Variants in FRMD7 observed in about 807,000 individuals in gnomAD.
FRMD7 encodes the protein FERM domain-containing protein 7.
Under a neutral mutation model 44.1 loss-of-function variants are expected in FRMD7, and 14 were observed. That is an observed-to-expected ratio of 0.32 (90% CI 0.21 to 0.50). FRMD7 has a LOEUF of 0.50. Ranked by LOEUF, FRMD7 falls within the 20% of genes least tolerant of loss-of-function variation. FRMD7 has a pLI of 0.99. For synonymous variants in FRMD7, 212 were observed against 187.4 expected, an observed-to-expected ratio of 1.13 and a Z score of -1.07; for missense variants, 501 against 522.3, an observed-to-expected ratio of 0.96 and a Z score of 0.40.
At chrX:132,101,682 C>T (rs1263602432) in intron 1 of FRMD7, among the ~76,000 whole-genome samples, 1 of 112,111 alleles carries the variant, frequency 8.9e-6, no homozygotes, top group Non-Finnish European at 1.9e-5. Context: ...GTAGCTTTGC[C>T]CACCAAATCT....
intron 1 of FRMD7, among the ~76,000 whole-genome samples, chrX:132,104,493 C>A (rs1339985704): frequency 1.8e-5 from 2 of 111,104 alleles, no homozygotes; most frequent in African/African-American, 6.6e-5. Flanking sequence ...GAGATCGAGA[C>A]CATCCTGGCT....
At position 132,121,432 on chromosome X, in the gene FRMD7, G is replaced by T. The variant is rs181662876; in HGVS notation, c.57+6356C>A. On this transcript the variant is annotated intron_variant, in intron 1 of 11. Transcript: ENST00000298542. ...TGCTTGGACATAAGAAGCAGGACAT[G>T]TGTTCACCATCTAAAATTGGAGTGA... Among the ~76,000 whole-genome samples the T allele has an allele frequency of 4.9e-4, 55 of 111,603 alleles. No homozygotes were observed. In the East Asian group the frequency reaches 0.015, roughly 30 times the overall value.
chrX:132,124,834 T>C (rs983350903), intron 1 of FRMD7, among the ~76,000 whole-genome samples: 2 of 111,673 alleles, frequency 1.8e-5, no homozygotes, highest in Non-Finnish European at 3.8e-5. Flanking sequence ...CTCACGAACT[T>C]TACCTACCAA....
chrX:132,114,397 G>C (rs1235366946), intron 1 of FRMD7, among the ~76,000 whole-genome samples: 1 of 111,019 alleles, frequency 9.0e-6, no homozygotes, highest in Non-Finnish European at 1.9e-5. Flanking sequence ...GGCACATGTG[G>C]AATTTAGGGG....
At chrX:132,100,472 G>A (rs767958748) in intron 2 of FRMD7, 140 bp downstream of exon 2, 247 of 503,388 alleles carry the variant, frequency 4.9e-4, no homozygotes, top group Non-Finnish European at 7.4e-4. Context: ...ACAAAAACTA[G>A]TTATTAAATC....
At chrX:132,119,014 GA>G (rs1288757873) in intron 1 of FRMD7, among the ~76,000 whole-genome samples, 4 of 110,342 alleles carry the variant, frequency 3.6e-5, no homozygotes, top group Admixed American at 9.6e-5. Context: ...TGCTGTGCTA[GA>G]AAAAAAAATT....
chrX:132,077,625 C>T lies in FRMD7; in HGVS notation c.*247G>A, dbSNP rs1018795573. 2.5e-6 allele frequency: 1 copy of T among 402,501 alleles called. No individual in the cohort carries two copies. The highest frequency in any genetic ancestry group is 4.3e-6 in the Non-Finnish European group (1 of 230,766). The allele number at this position is 402,501 out of a possible 1,213,427, so 33.2% of individuals were successfully genotyped here. On this transcript the variant is annotated 3_prime_UTR_variant, in exon 12 of 12. Transcript: ENST00000298542. ...AGTATGCAGTGGAGATGACAAATAC[C>T]CACCTTGCCTTGCCACAGTGCTGGT...
intron 1 of FRMD7, among the ~76,000 whole-genome samples, chrX:132,105,751 C>A (rs1292905848): frequency 2.7e-5 from 3 of 111,593 alleles, no homozygotes; most frequent in Admixed American, 1.9e-4. Context: ...CAAAAACTAG[C>A]AATGGGGAAA....
chrX:132,086,007 G>C lies in FRMD7; in HGVS notation c.410C>G (p.Thr137Arg), dbSNP rs1483984406. 8.4e-7 allele frequency: 1 copy of C among 1,195,043 alleles called. No homozygotes were observed. The highest frequency in any genetic ancestry group is 1.1e-6 in the Non-Finnish European group (1 of 880,317). Residue 137 changes from threonine to arginine, a missense_variant, in exon 6 of 12, where the codon ACA becomes AGA. Thr to Arg is a moderately conservative substitution (Grantham distance 71). Coordinates refer to ENST00000298542, the MANE Select transcript of FRMD7 (RefSeq NM_194277.3). ...QSELGDFHEE[T>R]DRKHLAQTRY... ...AGTTTGTGCCAGATGCTTCCTATCTGTTTCTTCATGAAAGTCTCCAAGTTC... is the reference window on the plus strand; with the variant it reads ...AGTTTGTGCCAGATGCTTCCTATCTCTTTCTTCATGAAAGTCTCCAAGTTC...
intron 7 of FRMD7, 42 bp downstream of exon 7, chrX:132,085,539 C>G (rs751352646): frequency 5.1e-6 from 6 of 1,182,368 alleles, no homozygotes; most frequent in Non-Finnish European, 5.7e-6. Flanking sequence ...AGATAACCAC[C>G]CCTCACTAAA....
In FRMD7 at chrX:132,082,516, TTGC is replaced by T. The variant is rs777245098; in HGVS notation, c.749_751del (p.Cys250_Lys251delinsTer). On this transcript the variant is annotated stop_gained and inframe_deletion, in exon 9 of 12. Transcript: ENST00000298542. LOFTEE classifies it high-confidence loss of function. ...GGCCATGGTGAACTCCAAGGTATCC[TTGC>T]ACAACACCTGTATAAACCAATTTCC... The T allele has an allele frequency of 8.3e-7, 1 of 1,206,086 alleles. No individual in the cohort carries two copies. Among genetic ancestry groups the T allele is most frequent in the Non-Finnish European group, 1.1e-6 (1 of 891,253 alleles).
chrX:132,101,444 A>G (rs1455366457), intron 1 of FRMD7, among the ~76,000 whole-genome samples: 1 of 112,210 alleles, frequency 8.9e-6, no homozygotes, highest in Non-Finnish European at 1.9e-5. Flanking sequence ...AAGCTCCCCT[A>G]TGCCTCCAAA....
chrX:132,111,290 TATAAGACTGGCTA>T (rs1248844441), intron 1 of FRMD7, among the ~76,000 whole-genome samples: 1 of 112,117 alleles, frequency 8.9e-6, no homozygotes, highest in Non-Finnish European at 1.9e-5. Context: ...GAGACTGAGT[TATAAGACTGGCTA>T]ATTTTTGTAT....
intron 11 of FRMD7, among the ~76,000 whole-genome samples, chrX:132,079,550 A>G (rs1927739733): frequency 8.9e-6 from 1 of 112,160 alleles, no homozygotes; most frequent in Non-Finnish European, 1.9e-5. Flanking sequence ...TTCATACTAA[A>G]AATGTCAAAG....
intron 1 of FRMD7, among the ~76,000 whole-genome samples, chrX:132,102,736 CCA>C (rs1928537094): frequency 8.9e-6 from 1 of 112,010 alleles, no homozygotes; most frequent in South Asian, 3.7e-4. Context: ...ATCATACACT[CCA>C]GTTTTTTTTT....
At chrX:132,097,169 A>C in intron 4 of FRMD7, 97 bp downstream of exon 4, 1 of 680,062 alleles carries the variant, frequency 1.5e-6, no homozygotes, top group Non-Finnish European at 2.4e-6. Flanking sequence ...CTTAAAGCCA[A>C]GTTTTGTGAG....
In FRMD7 at chrX:132,085,903, C is replaced by T. The variant is rs1927971674; in HGVS notation, c.497+17G>A. On this transcript the variant is annotated intron_variant, in intron 6 of 11. Coordinates refer to ENST00000298542, the MANE Select transcript of FRMD7 (RefSeq NM_194277.3). ...GTTCTCTACTGGGGGAAGCAGGTGCCAGCTGAAAGTACTTACATGTGCTTC... is the reference window on the plus strand; with the variant it reads ...GTTCTCTACTGGGGGAAGCAGGTGCTAGCTGAAAGTACTTACATGTGCTTC... 1.8e-6 allele frequency: 2 copies of T among 1,102,319 alleles called. No homozygotes were observed. The highest frequency in any genetic ancestry group is 2.2e-5 in the Admixed American group (1 of 45,607). The allele number at this position is 1,102,319 out of a possible 1,213,427, so 90.8% of individuals were successfully genotyped here. A position where few individuals can be genotyped will look rare whatever the true frequency, so the allele number is the denominator to read the frequency against.
chrX:132,109,604 A>G (rs1369321781), intron 1 of FRMD7, among the ~76,000 whole-genome samples: 1 of 111,784 alleles, frequency 8.9e-6, no homozygotes, highest in Non-Finnish European at 1.9e-5. Context: ...CAAGGAACAC[A>G]TAGGCTGGCA....
Position 132,094,411 on chromosome X carries a change from T to C in FRMD7, c.285-272A>G, listed in dbSNP as rs772970689. 3.7e-5 allele frequency: 13 copies of C among 350,741 alleles called. No individual in the cohort carries two copies. The South Asian group carries it at 4.3e-4, about 12-fold the overall frequency. 28.9% of individuals were successfully genotyped at this position (350,741 alleles called of 1,213,427 possible). On this transcript the variant is annotated intron_variant, in intron 4 of 11. Transcript: ENST00000298542. ...CTGCCAAATTGAGAAAGTTGGCCAA[T>C]CATCCTCTGGTGGTTTCTGCCACGT...
Sources: allele counts gnomAD v4.1 joint callset (sites outside exome capture counted in the v4.1 genomes callset), GRCh38; gene constraint gnomAD v4.1.1; transcripts MANE v1.5; gene names NCBI Gene and HGNC (gene_info 2026-07-23, HGNC 2026-07-21).